SLX4IP: variants seen among roughly 807,000 people sequenced by gnomAD.
SLX4IP encodes SLX4 interacting protein.
Under a neutral mutation model 32.9 loss-of-function variants are expected in SLX4IP, and 34 were observed. That is an observed-to-expected ratio of 1.03 (90% CI 0.79 to 1.38). SLX4IP has a LOEUF of 1.38. Ranked by LOEUF, SLX4IP falls within the 40% of genes most tolerant of loss-of-function variation. The pLI, the probability that SLX4IP is intolerant of heterozygous loss-of-function variation, is 0.00. For missense variants in SLX4IP, 444 were observed against 479.0 expected (o/e 0.93, Z 0.68); for synonymous variants, 172 against 171.7 (o/e 1.00, Z -0.01).
intron 2 of SLX4IP, among the ~76,000 whole-genome samples, chr20:10,483,181 G>A (rs1338437714): frequency 3.3e-5 from 5 of 151,668 alleles, no homozygotes; most frequent in African/African-American, 7.3e-5. Context: ...GTAAAGTGAC[G>A]TGATCTCAGC....
At chr20:10,611,576 C>T (rs1239175946) in intron 6 of SLX4IP, among the ~76,000 whole-genome samples, 1 of 152,206 alleles carries the variant, frequency 6.6e-6, no homozygotes, top group East Asian at 1.9e-4. Flanking sequence ...GTGGCTGATG[C>T]ATCTCTTTGA....
chr20:10,500,446 T>C (rs2065708295), intron 2 of SLX4IP, among the ~76,000 whole-genome samples: 1 of 152,090 alleles, frequency 6.6e-6, no homozygotes, highest in Non-Finnish European at 1.5e-5. Flanking sequence ...TGTGTGGTTC[T>C]CTTCATGTGT....
At chr20:10,447,367 T>C (rs945363755) in intron 1 of SLX4IP, among the ~76,000 whole-genome samples, 4 of 152,210 alleles carry the variant, frequency 2.6e-5, no homozygotes, top group African/African-American at 7.2e-5. Context: ...AGTGTCTTGA[T>C]CTTTTTTAGT....
intron 2 of SLX4IP, among the ~76,000 whole-genome samples, chr20:10,523,128 G>T (rs2065913237): frequency 6.6e-6 from 1 of 152,160 alleles, no homozygotes; most frequent in Non-Finnish European, 1.5e-5. Flanking sequence ...CTCTTGGCAT[G>T]GGATGGGCCA....
At chr20:10,515,467 G>C (rs149375562) in intron 2 of SLX4IP, among the ~76,000 whole-genome samples, 24 of 152,278 alleles carry the variant, frequency 1.6e-4, no homozygotes, top group Non-Finnish European at 3.1e-4. Flanking sequence ...CCAAAGCTCA[G>C]AAAGAAAGTA....
intron 2 of SLX4IP, among the ~76,000 whole-genome samples, chr20:10,465,817 C>G (rs1222026139): frequency 6.6e-6 from 1 of 152,214 alleles, no homozygotes; most frequent in African/African-American, 2.4e-5. Context: ...ACAAATATAT[C>G]TTTTACAGCA....
rs1247683877 is a variant in SLX4IP, at chr20:10,624,714, T to C, written c.*1335T>C. On this transcript the variant is annotated 3_prime_UTR_variant, in exon 8 of 8. Transcript: ENST00000334534. The stretch of plus-strand genomic sequence containing the variant: ...AATGACAAGAGTACAGAAACAGGCA[T>C]AGTGTAGGTTCATGCTTGAGATGGA... The C allele has an allele frequency of 6.6e-6, 1 of 152,108 alleles. No homozygotes were observed. Among genetic ancestry groups the C allele is most frequent in the East Asian group, 1.9e-4 (1 of 5,178 alleles). 9.4% of individuals were successfully genotyped at this position (152,108 alleles called of 1,614,324 possible). A position where few individuals can be genotyped will look rare whatever the true frequency, so the allele number is the denominator to read the frequency against.
intron 4 of SLX4IP, among the ~76,000 whole-genome samples, chr20:10,570,583 C>T (rs2066451343): frequency 6.6e-6 from 1 of 151,546 alleles, no homozygotes; most frequent in Non-Finnish European, 1.5e-5. Context: ...GGCTGGAGTG[C>T]AGTGGTACGA....
chr20:10,548,277 C>T (rs1322083229), intron 2 of SLX4IP, among the ~76,000 whole-genome samples: 2 of 151,986 alleles, frequency 1.3e-5, no homozygotes, highest in African/African-American at 2.4e-5. Flanking sequence ...CTCGCTCTGT[C>T]GCCCAGGCTG....
chr20:10,510,612 T>A (rs150058591), intron 2 of SLX4IP, among the ~76,000 whole-genome samples: 4,848 of 115,972 alleles, frequency 0.042, 247 homozygotes, highest in African/African-American at 0.11. Context: ...TTTTATTATT[T>A]TTTTTTTTTT....
At chr20:10,455,040 C>A (rs1347236294) in intron 1 of SLX4IP, among the ~76,000 whole-genome samples, 1 of 152,112 alleles carries the variant, frequency 6.6e-6, no homozygotes, top group African/African-American at 2.4e-5. Context: ...ATTTGTATAT[C>A]TTCTTTGAAG....
At chr20:10,565,471 C>T (rs2066381363) in intron 4 of SLX4IP, among the ~76,000 whole-genome samples, 1 of 152,136 alleles carries the variant, frequency 6.6e-6, no homozygotes, top group African/African-American at 2.4e-5. Flanking sequence ...TCTGCCCCAC[C>T]CTGCAGAGAC....
intron 4 of SLX4IP, among the ~76,000 whole-genome samples, chr20:10,591,900 A>G (rs1305310264): frequency 6.6e-6 from 1 of 152,196 alleles, no homozygotes; most frequent in Admixed American, 6.5e-5. Flanking sequence ...CATGTGAACA[A>G]TCTCTGATGG....
At chr20:10,500,681 G>A (rs746823916) in intron 2 of SLX4IP, among the ~76,000 whole-genome samples, 2 of 152,174 alleles carry the variant, frequency 1.3e-5, no homozygotes, top group Non-Finnish European at 2.9e-5. Flanking sequence ...GAGCCCAGGA[G>A]GTCGAGGCTG....
chr20:10,613,954 G>T, intron 6 of SLX4IP: 1 of 1,162,624 alleles, frequency 8.6e-7, no homozygotes, highest in Non-Finnish European at 1.3e-6. Flanking sequence ...ATGAGCACAG[G>T]AGAGTCCTCG....
chr20:10,539,285 A>T (rs1427529951), intron 2 of SLX4IP, among the ~76,000 whole-genome samples: 1 of 152,186 alleles, frequency 6.6e-6, no homozygotes, highest in Non-Finnish European at 1.5e-5. Flanking sequence ...GTGTTTTGGA[A>T]ATATTACCTG....
At chr20:10,538,114 T>C (rs886663635) in intron 2 of SLX4IP, among the ~76,000 whole-genome samples, 1 of 152,114 alleles carries the variant, frequency 6.6e-6, no homozygotes, top group African/African-American at 2.4e-5. Context: ...AGAGGACCCT[T>C]TCTTTGTTGT....
At chr20:10,482,476 G>C (rs2065531717) in intron 2 of SLX4IP, among the ~76,000 whole-genome samples, 1 of 152,032 alleles carries the variant, frequency 6.6e-6, no homozygotes, top group South Asian at 2.1e-4. Flanking sequence ...GGTATTTTTG[G>C]CTTGATCACT....
Position 10,613,944 on chromosome 20 carries a change from A to G in SLX4IP, c.406-7370A>G. 9 of 1,208,200 alleles carry G rather than the reference A, an allele frequency of 7.4e-6. 1 individual carries two copies. In the South Asian group the frequency reaches 9.7e-5, roughly 13 times the overall value. The allele number at this position is 1,208,200 out of a possible 1,614,324, so 74.8% of individuals were successfully genotyped here. On this transcript the variant is annotated intron_variant, in intron 6 of 7. Transcript: ENST00000334534. ...ATACGCCTCCCAGTCTTGATCTTGG[A>G]TGAGCACAGGAGAGTCCTCGTCCAC...
Sources: gnomAD v4.1 joint callset for allele counts (sites outside exome capture counted in the v4.1 genomes callset) on GRCh38, gnomAD v4.1.1 for gene constraint, MANE v1.5 for transcripts, NCBI Gene and HGNC (gene_info 2026-07-23, HGNC 2026-07-21) for gene names.